HAUS1: variants seen among roughly 807,000 people sequenced by gnomAD.
HAUS1 encodes the protein HAUS augmin-like complex subunit 1.
In HAUS1, 25 loss-of-function variants were observed where a neutral mutation model predicts 38.6. That is an observed-to-expected ratio of 0.65 (90% CI 0.47 to 0.91). The LOEUF (loss-of-function observed/expected upper bound fraction) is 0.91, where lower values mean the gene tolerates loss of function less well. Among genes scored for constraint, HAUS1 ranks in the 40% least tolerant of loss-of-function variants. HAUS1 has a pLI of 0.00. For missense variants in HAUS1, 325 were observed against 328.4 expected (o/e 0.99, Z 0.08); for synonymous variants, 109 against 112.9 (o/e 0.97, Z 0.22).
Position 46,122,424 on chromosome 18 carries a change from GAGA to G in HAUS1, c.477-29_477-27del, listed in dbSNP as rs768703461. ...GTTTCTATTGTACAATACTTTTACT[GAGA>G]AGAAGAAGAAGAAAATGTTTTTAAT... On this transcript the variant is annotated intron_variant, in intron 4 of 8. Coordinates refer to ENST00000282058, the MANE Select transcript of HAUS1 (RefSeq NM_138443.4). 9.9e-5 allele frequency: 157 copies of G among 1,591,576 alleles called. 1 individual carries two copies. The highest frequency in any genetic ancestry group is 9.4e-4 in the East Asian group (42 of 44,636).
chr18:46,119,778 A>AT, intron 3 of HAUS1, 148 bp from the exon 4 acceptor site: 1 of 591,986 alleles, frequency 1.7e-6, no homozygotes, highest in Non-Finnish European at 2.7e-6. Flanking sequence ...ATTCCAGGCA[A>AT]TGGGAACAGT....
intron 4 of HAUS1, chr18:46,121,607 C>T (rs1291980673): frequency 6.6e-6 from 1 of 151,888 alleles, no homozygotes; most frequent in Non-Finnish European, 1.5e-5. Flanking sequence ...TCTAGATAAG[C>T]CACAAAACAA....
chr18:46,122,062 G>A (rs779233557), intron 4 of HAUS1, among the ~76,000 whole-genome samples: 52 of 152,192 alleles, frequency 3.4e-4, no homozygotes, highest in Non-Finnish European at 5.7e-4. Flanking sequence ...GGCTGGTCTC[G>A]AACTCCTGAC....
In HAUS1 at chr18:46,123,814, C is replaced by A. The variant is rs112097511; in HGVS notation, c.666+450C>A. On this transcript the variant is annotated intron_variant, in intron 6 of 8. Coordinates refer to ENST00000282058, the MANE Select transcript of HAUS1 (RefSeq NM_138443.4). ...GAGGGTTTTGTTTTGTTTTATTATT[C>A]TTAACGTTTTTCATACTTTGTTCTT... Among the ~76,000 whole-genome samples, 901 of 152,194 alleles carry A rather than the reference C, an allele frequency of 5.9e-3. 19 individuals are homozygous for A. The highest frequency in any genetic ancestry group is 0.033 in the Admixed American group (504 of 15,274).
At chr18:46,117,330 A>G (rs1911820251) in intron 2 of HAUS1, among the ~76,000 whole-genome samples, 1 of 152,240 alleles carries the variant, frequency 6.6e-6, no homozygotes, top group African/African-American at 2.4e-5. Flanking sequence ...ATATGTCCGT[A>G]TAATGGAATA....
chr18:46,126,820 T>TA (rs1912122014), intron 8 of HAUS1: 1 of 148,364 alleles, frequency 6.7e-6, no homozygotes, highest in African/African-American at 2.5e-5. Flanking sequence ...TTTATTTATT[T>TA]ATTTATTTAT....
At chr18:46,115,410 G>A (rs1466738965) in intron 2 of HAUS1, among the ~76,000 whole-genome samples, 1 of 148,382 alleles carries the variant, frequency 6.7e-6, no homozygotes, top group African/African-American at 2.5e-5. Flanking sequence ...AGTGAGCCGA[G>A]ATTGTGCCAC....
intron 2 of HAUS1, among the ~76,000 whole-genome samples, chr18:46,116,658 G>A (rs542351559): frequency 2.0e-5 from 3 of 151,906 alleles, no homozygotes; most frequent in East Asian, 1.9e-4. Context: ...TTTCTCCTAC[G>A]AAGATACACA....
At chr18:46,123,890 C>T (rs1912021853) in intron 6 of HAUS1, among the ~76,000 whole-genome samples, 1 of 151,940 alleles carries the variant, frequency 6.6e-6, no homozygotes, top group Non-Finnish European at 1.5e-5. Context: ...TCTAGTTCTC[C>T]CTTTACATTT....
At position 46,118,609 on chromosome 18, in the gene HAUS1, A is replaced by G. The variant is rs1241148775; in HGVS notation, c.341+293A>G. 4 of 235,802 alleles carry G rather than the reference A, an allele frequency of 1.7e-5. No individual in the cohort carries two copies. The South Asian group carries it at 3.2e-4, about 19-fold the overall frequency. 14.6% of individuals were successfully genotyped at this position (235,802 alleles called of 1,614,324 possible). ...TGTATAATAAGAAAGATAGTAGGCT[A>G]AATGATTTGGTTGAGCATAATAAAT... On this transcript the variant is annotated intron_variant, in intron 3 of 8. Coordinates refer to ENST00000282058, the MANE Select transcript of HAUS1 (RefSeq NM_138443.4).
intron 3 of HAUS1, 107 bp from the exon 4 acceptor site, chr18:46,119,819 C>T: frequency 1.0e-6 from 1 of 962,398 alleles, no homozygotes; most frequent in Non-Finnish European, 1.5e-6. Flanking sequence ...GTATGAACAG[C>T]ATGGTTATAT....
At chr18:46,119,456 T>C (rs537878907) in intron 3 of HAUS1, among the ~76,000 whole-genome samples, 49 of 151,612 alleles carry the variant, frequency 3.2e-4, no homozygotes, top group African/African-American at 1.2e-3. Context: ...TTTTTTAAAC[T>C]TTTTTTTTAT....
chr18:46,111,685 T>A (rs1911637608), intron 2 of HAUS1, among the ~76,000 whole-genome samples: 1 of 151,852 alleles, frequency 6.6e-6, no homozygotes, highest in Admixed American at 6.6e-5. Context: ...CTTGAACCCC[T>A]GACCTCAAGT....
At chr18:46,117,199 A>T (rs1404400570) in intron 2 of HAUS1, among the ~76,000 whole-genome samples, 1 of 152,232 alleles carries the variant, frequency 6.6e-6, no homozygotes, top group Non-Finnish European at 1.5e-5. Context: ...AGAAATGAAA[A>T]CATATGTTCA....
At chr18:46,108,748 A>G (rs1020780137) in intron 2 of HAUS1, among the ~76,000 whole-genome samples, 6 of 152,108 alleles carry the variant, frequency 3.9e-5, no homozygotes, top group African/African-American at 9.7e-5. Context: ...TCAAACTGCT[A>G]TAACGAACTA....
At chr18:46,112,972 CATATTATATATATAATATATATTCCAT>C (rs1911695874) in intron 2 of HAUS1, among the ~76,000 whole-genome samples, 2 of 72,388 alleles carry the variant, frequency 2.8e-5, no homozygotes, top group Non-Finnish European at 4.7e-5. Context: ...GTATATATTC[CATATTATATATATAATATATATTCCAT>C]ATATATGGAA....
Sources: allele counts gnomAD v4.1 joint callset (sites outside exome capture counted in the v4.1 genomes callset), GRCh38; gene constraint gnomAD v4.1.1; transcripts MANE v1.5; gene names NCBI Gene and HGNC (gene_info 2026-07-23, HGNC 2026-07-21).